The following SYCE1L variants were observed in gnomAD, a reference collection of about 807,000 sequenced individuals.
SYCE1L encodes synaptonemal complex central element protein 1 like.
A neutral mutation model predicts 39.6 loss-of-function variants in SYCE1L; 51 were observed. The observed-to-expected ratio is 1.29, with a 90% CI of 1.03 to 1.63. The LOEUF (loss-of-function observed/expected upper bound fraction) is 1.63, where lower values mean the gene tolerates loss of function less well. SYCE1L is among the 40% of genes most tolerant of loss of function. SYCE1L has a pLI of 0.00. For missense variants in SYCE1L, 426 were observed against 304.9 expected (o/e 1.40, Z -2.96); for synonymous variants, 147 against 122.4 (o/e 1.20, Z -1.33).
At chr16:77,208,816 A>G (rs951455050) in intron 4 of SYCE1L, among the ~76,000 whole-genome samples, 2 of 152,288 alleles carry the variant, frequency 1.3e-5, no homozygotes, top group Middle Eastern at 3.4e-3. Flanking sequence ...TCCACCTGAC[A>G]CTGTGTGTGT....
intron 2 of SYCE1L, among the ~76,000 whole-genome samples, chr16:77,207,427 G>C (rs2054793176): frequency 6.6e-6 from 1 of 152,184 alleles, no homozygotes; most frequent in Non-Finnish European, 1.5e-5. Context: ...GCTATGAGAA[G>C]TTAGAGGTGA....
In SYCE1L at chr16:77,212,913, T is replaced by A; in HGVS notation, c.711T>A (p.Ala237=). 1.3e-6 allele frequency: 2 copies of A among 1,530,542 alleles called. No homozygotes were observed. The highest frequency in any genetic ancestry group is 1.8e-6 in the Non-Finnish European group (2 of 1,140,388). The allele number at this position is 1,530,542 out of a possible 1,614,324, so 94.8% of individuals were successfully genotyped here. ...AGGAGGATCCCGAGCCGCCGGTGGC[T>A]GCCCCTGACGCCCTCTAGGCCAGCA... The part of the protein sequence containing the change: ...RDEEDPEPPV[A]APDAL Residue 237 remains alanine (A), a synonymous_variant, in exon 11 of 11, where the codon GCT becomes GCA. Transcript: ENST00000378644.
At chr16:77,206,248 T>C (rs142315651) in intron 1 of SYCE1L, among the ~76,000 whole-genome samples, 193 bp from the exon 2 acceptor site, 2,773 of 152,226 alleles carry the variant, frequency 0.018, 42 homozygotes, top group African/African-American at 0.039. Context: ...TTAGGGGTCC[T>C]GATTTATCTA....
At chr16:77,211,301 C>A (rs2054820816) in intron 7 of SYCE1L, 25 bp downstream of exon 7, 3 of 1,551,670 alleles carry the variant, frequency 1.9e-6, no homozygotes, top group Non-Finnish European at 2.6e-6. Flanking sequence ...TTGCCTGCAA[C>A]CAAAGCCACT....
intron 1 of SYCE1L, among the ~76,000 whole-genome samples, chr16:77,205,061 G>GAAAAGAAAAT (rs2054776461): frequency 9.2e-6 from 1 of 108,938 alleles, no homozygotes; most frequent in Non-Finnish European, 2.1e-5. Flanking sequence ...AAAAAAAAAA[G>GAAAAGAAAAT]AAAAGAAAAA....
chr16:77,210,275 G>C (rs888112231), intron 6 of SYCE1L, among the ~76,000 whole-genome samples: 1 of 152,152 alleles, frequency 6.6e-6, no homozygotes, highest in African/African-American at 2.4e-5. Flanking sequence ...TCGACCTTAG[G>C]TGATCCTGCC....
intron 5 of SYCE1L, 76 bp from the exon 6 acceptor site, chr16:77,209,341 T>G: frequency 6.8e-7 from 1 of 1,476,210 alleles, no homozygotes; most frequent in Admixed American, 2.0e-5. Context: ...CCTGACATGA[T>G]GTGGGGCCTA....
At chr16:77,211,186 C>T in intron 6 of SYCE1L, 27 bp from the exon 7 acceptor site, 1 of 1,551,790 alleles carries the variant, frequency 6.4e-7, no homozygotes, top group South Asian at 1.2e-5. Context: ...AGCATGTGTT[C>T]TCTTATTCCT....
chr16:77,205,433 A>AATATATATATATATATATATGTAT (rs145238524), intron 1 of SYCE1L, among the ~76,000 whole-genome samples: 2,514 of 145,206 alleles, frequency 0.017, 34 homozygotes, highest in East Asian at 0.048. Context: ...CATAGAAGTA[A>AATATATATATATATATATATGTAT]ATATATATAT....
chr16:77,200,529 G>GT (rs2054728239), intron 1 of SYCE1L: 1 of 151,254 alleles, frequency 6.6e-6, no homozygotes, highest in Non-Finnish European at 1.5e-5. Flanking sequence ...GCCGAGGCGG[G>GT]TGGGTCACCT....
Position 77,199,464 on chromosome 16 carries a change from C to G in SYCE1L, c.13C>G (p.Leu5Val), listed in dbSNP as rs745591157. The G allele has an allele frequency of 5.2e-6, 8 of 1,551,350 alleles. No homozygotes were observed. The South Asian group carries it at 9.5e-5, about 18-fold the overall frequency. ...CCCGCGTTGGAAAATGGCGGGGAAG[C>G]TGAAACCTCTGAATGTGGAGGCGCC... is the stretch of plus-strand genomic sequence containing the variant. MAGKLKPLNVEAPEA... is the reference protein window; with the variant it reads MAGKVKPLNVEAPEA... The change falls in exon 1 of 11, where the codon CTG becomes GTG. Residue 5 changes from leucine to valine, a missense_variant. Leu to Val is a conservative substitution (Grantham distance 32). Coordinates refer to ENST00000378644, the MANE Select transcript of SYCE1L (RefSeq NM_001129979.3).
At chr16:77,208,921 G>C (rs186996910) in intron 4 of SYCE1L, among the ~76,000 whole-genome samples, 176 bp from the exon 5 acceptor site, 5 of 152,162 alleles carry the variant, frequency 3.3e-5, no homozygotes, top group African/African-American at 9.7e-5. Context: ...GGGCATAGAG[G>C]GGGAGAAGCT....
rs192745003 is a variant in SYCE1L, at chr16:77,212,570, G to C, written c.582-4G>C. 8.5e-3 allele frequency: 13,038 copies of C among 1,536,536 alleles called. 87 individuals carry two copies. The highest frequency in any genetic ancestry group is 9.9e-3 in the Non-Finnish European group (11,300 of 1,146,564). Reference sequence around the variant, plus strand: ...CTCCTGTCTCCTCGGCCCCTTCTCCGCAGGCTGAAGGCGGAGCTGGAGATA... The same window carrying C: ...CTCCTGTCTCCTCGGCCCCTTCTCCCCAGGCTGAAGGCGGAGCTGGAGATA... On this transcript the variant is annotated splice_region_variant and splice_polypyrimidine_tract_variant and intron_variant, in intron 9 of 10. Transcript: ENST00000378644.
Position 77,212,364 on chromosome 16 carries a change from T to C in SYCE1L, c.576T>C (p.Asn192=), listed in dbSNP as rs778068829. The part of the protein sequence containing the change: ...PPEVEGAMAV[N]DGLKAELEIF... ...AGGTCGAGGGCGCCATGGCGGTGAATGACGGGTGAGAGGGGAAGGGAGGAG... is the reference window on the plus strand; with the variant it reads ...AGGTCGAGGGCGCCATGGCGGTGAACGACGGGTGAGAGGGGAAGGGAGGAG... The change falls in exon 9 of 11, where the codon AAT becomes AAC. Residue 192 remains asparagine (N), a synonymous_variant. Coordinates refer to ENST00000378644, the MANE Select transcript of SYCE1L (RefSeq NM_001129979.3). 1.8e-5 allele frequency: 28 copies of C among 1,527,444 alleles called. No homozygotes were observed. In the South Asian group the frequency reaches 3.3e-4, roughly 18 times the overall value. 94.6% of individuals were successfully genotyped at this position (1,527,444 alleles called of 1,614,324 possible).
intron 1 of SYCE1L, chr16:77,200,274 G>GTATATATA (rs1229854135): frequency 8.8e-6 from 1 of 113,582 alleles, no homozygotes; most frequent in African/African-American, 3.5e-5. Context: ...ATATATATGT[G>GTATATATA]TATATATATA....
chr16:77,211,380 T>C lies in SYCE1L; in HGVS notation c.423+104T>C, dbSNP rs553833500. On this transcript the variant is annotated intron_variant, in intron 7 of 10. Coordinates refer to ENST00000378644, the MANE Select transcript of SYCE1L (RefSeq NM_001129979.3). ...CCTGCCCAGGCTCAATGCCGCGGGA[T>C]AGTCCTTGATTCCTTGCTTCCGCTT... 275 of 1,325,352 alleles carry C rather than the reference T, an allele frequency of 2.1e-4. 1 individual carries two copies. Among genetic ancestry groups the C allele is most frequent in the Non-Finnish European group, 2.6e-4 (246 of 942,208 alleles). The allele number at this position is 1,325,352 out of a possible 1,614,324, so 82.1% of individuals were successfully genotyped here.
rs1018375830 is a variant in SYCE1L at position 77,213,105 on chromosome 16, C to T, written c.*174C>T. On this transcript the variant is annotated 3_prime_UTR_variant, in exon 11 of 11. Transcript: ENST00000378644. ...TGCCGGACCCCTCCCACCAGTCGAG[C>T]CCCGGGCGCCGTACAGAGGCTGGGT... The T allele has an allele frequency of 8.2e-5, 48 of 587,034 alleles. No homozygotes were observed. The highest frequency in any genetic ancestry group is 7.8e-4 in the African/African-American group (41 of 52,250). The allele number at this position is 587,034 out of a possible 1,614,324, so 36.4% of individuals were successfully genotyped here. A position where few individuals can be genotyped will look rare whatever the true frequency, so the allele number is the denominator to read the frequency against.
intron 1 of SYCE1L, chr16:77,199,765 G>T (rs927629928): frequency 2.5e-6 from 1 of 398,292 alleles, no homozygotes; most frequent in Non-Finnish European, 4.5e-6. Flanking sequence ...ACAACATGTA[G>T]TTCAGTACGA....
At chr16:77,208,060 C>G in intron 2 of SYCE1L, 150 bp from the exon 3 acceptor site, 2 of 753,532 alleles carry the variant, frequency 2.7e-6, no homozygotes, top group East Asian at 2.7e-5. Flanking sequence ...AATGCAAGCC[C>G]TTCAAGGGGC....
Sources: gnomAD v4.1 joint callset for allele counts (sites outside exome capture counted in the v4.1 genomes callset) on GRCh38, gnomAD v4.1.1 for gene constraint, MANE v1.5 for transcripts, NCBI Gene and HGNC (gene_info 2026-07-23, HGNC 2026-07-21) for gene names.